ALMS1: variants seen among roughly 807,000 people sequenced by gnomAD.
ALMS1 encodes ALMS1 centrosome and basal body associated protein.
A neutral mutation model predicts 352.2 loss-of-function variants in ALMS1; 271 were observed. That is an observed-to-expected ratio of 0.77 (90% CI 0.70 to 0.85). The LOEUF is 0.85. Among genes scored for constraint, ALMS1 ranks in the 40% least tolerant of loss-of-function variants. The probability of loss-of-function intolerance (pLI) is 0.00; values close to 1 mark genes in which losing one functional copy is unlikely to be tolerated. For missense variants in ALMS1, 5,445 were observed against 4,870.7 expected (o/e 1.12, Z -3.51); for synonymous variants, 1,865 against 1,761.2 (o/e 1.06, Z -1.48).
In ALMS1 at chr2:73,395,076, ATATTTT is replaced by A. The variant is rs1257067222; in HGVS notation, c.324+8886_324+8891del. Among the ~76,000 whole-genome samples, 40 of 108,260 alleles carry A rather than the reference ATATTTT, an allele frequency of 3.7e-4. 1 individual carries two copies. Among genetic ancestry groups the A allele is most frequent in the African/African-American group, 1.6e-3 (37 of 22,776 alleles). 71.0% of individuals were successfully genotyped at this position (108,260 alleles called of 152,430 possible). On this transcript the variant is annotated intron_variant, in intron 1 of 22. Coordinates refer to ENST00000613296, the MANE Select transcript of ALMS1 (RefSeq NM_001378454.1). ...TATATATGTGTATATATATATATAT[ATATTTT>A]TTTTTTTTTTTTTTTTTGAGACAGA...
At chr2:73,468,490 A>T (rs1054729856) in intron 9 of ALMS1, among the ~76,000 whole-genome samples, 4 of 151,870 alleles carry the variant, frequency 2.6e-5, no homozygotes, top group Non-Finnish European at 4.4e-5. Flanking sequence ...CGTCTCCAAG[A>T]CTCTTTTCAT....
At chr2:73,511,644 G>T (rs1673455140) in intron 10 of ALMS1, among the ~76,000 whole-genome samples, 1 of 152,136 alleles carries the variant, frequency 6.6e-6, no homozygotes, top group African/African-American at 2.4e-5. Context: ...TCATGTACTT[G>T]TTATTACATG....
intron 16 of ALMS1, among the ~76,000 whole-genome samples, chr2:73,581,433 C>A (rs1207715217): frequency 6.6e-6 from 1 of 152,182 alleles, no homozygotes; most frequent in Non-Finnish European, 1.5e-5. Flanking sequence ...ACATCAGGAC[C>A]AAGGGCTGCC....
chr2:73,453,024 T>C lies in ALMS1; in HGVS notation c.6497T>C (p.Leu2166Pro). 1 of 1,613,502 alleles carries C rather than the reference T, an allele frequency of 6.2e-7. No individual in the cohort carries two copies. Among genetic ancestry groups the C allele is most frequent in the South Asian group, 1.1e-5 (1 of 91,008 alleles). ...GATAGACATCTAACTGAAGATGCTC[T>C]AAAGATCTCAAGTGCTCTTGGGCAA... ...LPDRHLTEDA[L>P]KISSALGQAD... The change falls in exon 8 of 23, where the codon CTA (leucine) becomes CCA (proline). Residue 2166 changes from leucine (L) to proline (P), a missense_variant. Coordinates refer to ENST00000613296, the MANE Select transcript of ALMS1 (RefSeq NM_001378454.1).
intron 16 of ALMS1, among the ~76,000 whole-genome samples, chr2:73,589,379 G>C (rs576171691): frequency 1.3e-5 from 2 of 152,212 alleles, no homozygotes; most frequent in Admixed American, 6.5e-5. Context: ...CATGGTTTCT[G>C]TGTCATGATA....
intron 11 of ALMS1, among the ~76,000 whole-genome samples, chr2:73,533,067 C>CT (rs957002996): frequency 3.3e-5 from 5 of 152,218 alleles, no homozygotes; most frequent in Non-Finnish European, 7.3e-5. Flanking sequence ...CCTGGCATCT[C>CT]TATCATTCTG....
chr2:73,490,675 C>CCCTCT lies in ALMS1; in HGVS notation c.8721_8725dup (p.Gln2909LeufsTer8), dbSNP rs749650110. ...TGACCATGTGAGGAAACACCATTCTCCCTCTCCTCAACATCAGGATTATGT... is the reference window on the plus strand; with the variant it reads ...TGACCATGTGAGGAAACACCATTCTCCCTCTCCTCTCCTCAACATCAGGATTATGT... On this transcript the variant is annotated frameshift_variant, in exon 10 of 23. Transcript: ENST00000613296. LOFTEE classifies it high-confidence loss of function. 6.2e-7 allele frequency: 1 copy of CCCTCT among 1,614,118 alleles called. No individual in the cohort carries two copies. The highest frequency in any genetic ancestry group is 2.2e-5 in the East Asian group (1 of 44,874).
In ALMS1 at chr2:73,490,378, C is replaced by T. The variant is rs1314753569; in HGVS notation, c.8419C>T (p.Gln2807Ter). 1.2e-6 allele frequency: 2 copies of T among 1,613,252 alleles called. No individual in the cohort carries two copies. Among genetic ancestry groups the T allele is most frequent in the Non-Finnish European group, 1.7e-6 (2 of 1,179,712 alleles). The change falls in exon 10 of 23, where the codon CAA becomes TAA. Residue 2807 changes from glutamine (Q) to a stop codon, truncating the protein, a stop_gained. Transcript: ENST00000613296. LOFTEE classifies it high-confidence loss of function. Reference sequence around the variant, plus strand: ...ACCTGTTGATTTTGAGCGTTCTTTTCAAGAAGAAAAACCCTTAGAAAGATC... The same window carrying T: ...ACCTGTTGATTTTGAGCGTTCTTTTTAAGAAGAAAAACCCTTAGAAAGATC... ...KLPVDFERSF[Q>*]EEKPLERSDF...
chr2:73,493,317 A>G (rs11901272), intron 10 of ALMS1, among the ~76,000 whole-genome samples: 58,145 of 151,006 alleles, frequency 0.39, 15,704 homozygotes, highest in African/African-American at 0.77. Context: ...TAGGTTTATC[A>G]AACTCCACAG....
In ALMS1 at chr2:73,449,988, T is replaced by C. The variant is rs1264467085; in HGVS notation, c.3461T>C (p.Phe1154Ser). ...CAACATAGAGAAAAGCCCAGCATTT[T>C]CCACCAGCAGGCCTTGCCAGGTACT... ...YSQHREKPSI[F>S]HQQALPGTHI... The change falls in exon 8 of 23, where the codon TTC (phenylalanine) becomes TCC (serine). Residue 1154 changes from phenylalanine to serine, a missense_variant. Physicochemically the swap from Phe to Ser is radical, Grantham distance 155. Coordinates refer to ENST00000613296, the MANE Select transcript of ALMS1 (RefSeq NM_001378454.1). 2 of 1,613,916 alleles carry C rather than the reference T, an allele frequency of 1.2e-6. No homozygotes were observed. Among genetic ancestry groups the C allele is most frequent in the Admixed American group, 3.3e-5 (2 of 59,996 alleles).
intron 16 of ALMS1, among the ~76,000 whole-genome samples, chr2:73,578,584 A>G (rs1035927202): frequency 1.3e-5 from 2 of 152,098 alleles, no homozygotes; most frequent in African/African-American, 4.8e-5. Flanking sequence ...TAAACATGTA[A>G]CAGCCTGATA....
At chr2:73,499,839 T>C (rs1009155118) in intron 10 of ALMS1, among the ~76,000 whole-genome samples, 1 of 152,106 alleles carries the variant, frequency 6.6e-6, no homozygotes, top group Non-Finnish European at 1.5e-5. Context: ...ACCCAAGAGC[T>C]GGTTGTTTAA....
chr2:73,542,286 G>T (rs922101095), intron 12 of ALMS1, among the ~76,000 whole-genome samples: 1 of 152,120 alleles, frequency 6.6e-6, no homozygotes, highest in Admixed American at 6.5e-5. Context: ...TATCTCAATA[G>T]ATGCAGAAAA....
intron 12 of ALMS1, among the ~76,000 whole-genome samples, chr2:73,540,829 C>T (rs901496919): frequency 1.3e-5 from 2 of 152,166 alleles, no homozygotes; most frequent in Admixed American, 1.3e-4. Flanking sequence ...GCTAACTATC[C>T]TAAATATGTG....
In ALMS1 at chr2:73,601,327, G is replaced by C; in HGVS notation, c.12005G>C (p.Arg4002Pro). The change falls in exon 19 of 23, where the codon CGG becomes CCG. Residue 4002 changes from arginine to proline, a missense_variant. Arg to Pro is a moderately radical substitution (Grantham distance 103, BLOSUM62 -2). Coordinates refer to ENST00000613296, the MANE Select transcript of ALMS1 (RefSeq NM_001378454.1). ...TKTRPWREPL[R>P]EQNCQGQHLD... ...ACCAGACCCTGGAGGGAGCCACTGC[G>C]GGAGCAGAACTGTCAGGGGCAGCAC... The C allele has an allele frequency of 6.2e-7, 1 of 1,614,180 alleles. No individual in the cohort carries two copies. Among genetic ancestry groups the C allele is most frequent in the Non-Finnish European group, 8.5e-7 (1 of 1,180,022 alleles).
intron 9 of ALMS1, chr2:73,469,654 CATT>C (rs1257130621): frequency 5.9e-5 from 9 of 151,816 alleles, no homozygotes; most frequent in African/African-American, 2.2e-4. Flanking sequence ...TATTAGGTAA[CATT>C]ATGAAGTATT....
intron 5 of ALMS1, among the ~76,000 whole-genome samples, 182 bp from the exon 6 acceptor site, chr2:73,426,271 G>A (rs779960179): frequency 6.6e-6 from 1 of 152,184 alleles, no homozygotes; most frequent in East Asian, 1.9e-4. Context: ...AGCAAACTTG[G>A]TGGCATGTGA....
At chr2:73,506,748 C>T (rs11693588) in intron 10 of ALMS1, among the ~76,000 whole-genome samples, 45,746 of 151,836 alleles carry the variant, frequency 0.3, 8,416 homozygotes, top group African/African-American at 0.53. Flanking sequence ...GACTTCCTCT[C>T]TTCCTATTTG....
intron 12 of ALMS1, among the ~76,000 whole-genome samples, chr2:73,547,756 T>G (rs1674351507): frequency 6.6e-6 from 1 of 152,102 alleles, no homozygotes; most frequent in Non-Finnish European, 1.5e-5. Context: ...TATGGAGAAA[T>G]GGTTTATAGA....
Sources: allele counts gnomAD v4.1 joint callset (sites outside exome capture counted in the v4.1 genomes callset), GRCh38; gene constraint gnomAD v4.1.1; transcripts MANE v1.5; gene names NCBI Gene and HGNC (gene_info 2026-07-23, HGNC 2026-07-21).